The following GABRG3 variants were observed in gnomAD, a reference collection of about 807,000 sequenced individuals.
The protein encoded by GABRG3 is gamma-aminobutyric acid receptor subunit gamma-3.
GABRG3 carries 25 observed loss-of-function variants against 48.8 expected under a neutral mutation model. The observed-to-expected ratio is 0.51, with a 90% confidence interval of 0.37 to 0.72. The LOEUF is 0.72. Among genes scored for constraint, GABRG3 ranks in the 30% least tolerant of loss-of-function variants. GABRG3 has a pLI of 0.00. For missense variants in GABRG3, 394 were observed against 577.9 expected (o/e 0.68, Z 3.26); for synonymous variants, 227 against 217.6 (o/e 1.04, Z -0.38).
chr15:27,471,849 A>G (rs1889797030), intron 5 of GABRG3, among the ~76,000 whole-genome samples: 1 of 152,292 alleles, frequency 6.6e-6, no homozygotes, highest in Non-Finnish European at 1.5e-5. Flanking sequence ...CCAATACACA[A>G]TAGGTTTAGT....
chr15:27,467,627 A>G (rs1474506756), intron 5 of GABRG3, among the ~76,000 whole-genome samples: 3 of 152,230 alleles, frequency 2.0e-5, no homozygotes, highest in South Asian at 2.1e-4. Flanking sequence ...CAGCTATTTC[A>G]TTGGCTAAAT....
At chr15:27,391,030 G>A (rs1172421975) in intron 5 of GABRG3, among the ~76,000 whole-genome samples, 1 of 151,752 alleles carries the variant, frequency 6.6e-6, no homozygotes, top group Non-Finnish European at 1.5e-5. Context: ...AGGAGTTGCG[G>A]TGAGCCAAGA....
chr15:26,993,318 T>C (rs1469737820), intron 2 of GABRG3, among the ~76,000 whole-genome samples: 1 of 152,102 alleles, frequency 6.6e-6, no homozygotes, highest in Admixed American at 6.5e-5. Context: ...TTTGAAGTTT[T>C]TCTTTTTCTA....
intron 2 of GABRG3, 62 bp from the exon 3 acceptor site, chr15:27,026,692 A>G: frequency 8.2e-7 from 1 of 1,225,382 alleles, no homozygotes; most frequent in Admixed American, 2.2e-5. Flanking sequence ...TAGGACTTGA[A>G]TGTGCTCTCC....
chr15:27,038,677 C>T (rs1896221218), intron 3 of GABRG3, among the ~76,000 whole-genome samples: 1 of 152,228 alleles, frequency 6.6e-6, no homozygotes, highest in African/African-American at 2.4e-5. Context: ...ACCAACCAAG[C>T]TCTTGGGGCC....
chr15:27,026,724 G>C, intron 2 of GABRG3, 30 bp from the exon 3 acceptor site: 1 of 1,565,190 alleles, frequency 6.4e-7, no homozygotes, highest in Non-Finnish European at 8.7e-7. Context: ...CCGGCACGAA[G>C]TATTAACATA....
At chr15:27,233,962 T>C (rs1191288977) in intron 3 of GABRG3, among the ~76,000 whole-genome samples, 1 of 152,220 alleles carries the variant, frequency 6.6e-6, no homozygotes, top group Non-Finnish European at 1.5e-5. Context: ...ATGACATTTT[T>C]TCCCTCTACA....
chr15:27,405,744 C>T (rs539854164), intron 5 of GABRG3, among the ~76,000 whole-genome samples: 14 of 151,978 alleles, frequency 9.2e-5, no homozygotes, highest in Non-Finnish European at 1.9e-4. Flanking sequence ...GAAGCGGCAA[C>T]AGCCCAGTAG....
At position 27,231,492 on chromosome 15, in the gene GABRG3, C is replaced by T. The variant is rs1416575853; in HGVS notation, c.271-95317C>T. Among the ~76,000 whole-genome samples the T allele has an allele frequency of 3.3e-5, 5 of 152,106 alleles. No individual in the cohort carries two copies. In the South Asian group the frequency reaches 6.2e-4, roughly 19 times the overall value. ...AGGCAGAAGAGGGCTTGGTCCATTC[C>T]AAGGAGATTTTAGACCTGAGGGAAG... On this transcript the variant is annotated intron_variant, in intron 3 of 9. Transcript: ENST00000615808.
chr15:27,188,821 G>T (rs1282350040), intron 3 of GABRG3, among the ~76,000 whole-genome samples: 1 of 152,118 alleles, frequency 6.6e-6, no homozygotes, highest in East Asian at 1.9e-4. Flanking sequence ...GTCCTGAATG[G>T]TAAAGCCTAG....
chr15:27,256,405 C>T (rs1481493914), intron 3 of GABRG3, among the ~76,000 whole-genome samples: 1 of 147,726 alleles, frequency 6.8e-6, no homozygotes, highest in Non-Finnish European at 1.5e-5. Context: ...GGCGCCACTG[C>T]ACTCCAGCCT....
Position 27,532,652 on chromosome 15 carries a change from A to G in GABRG3, c.1175A>G (p.Asn392Ser). The G allele has an allele frequency of 6.2e-7, 1 of 1,613,960 alleles. No homozygotes were observed. The highest frequency in any genetic ancestry group is 1.1e-5 in the South Asian group (1 of 91,062). Residue 392 changes from asparagine to serine, a missense_variant, in exon 10 of 10, where the codon AAC becomes AGC. Asn to Ser is a conservative substitution (Grantham distance 46). Transcript: ENST00000615808. ...RPPPTAMITL[N>S]NSVYWQEFED... ...CCACCAACTGCGATGATCACTTTAAACAATTCCGTTTACTGGCAGGAATTT... is the reference window on the plus strand; with the variant it reads ...CCACCAACTGCGATGATCACTTTAAGCAATTCCGTTTACTGGCAGGAATTT...
At chr15:27,304,204 A>G (rs1031221058) in intron 3 of GABRG3, among the ~76,000 whole-genome samples, 1 of 151,906 alleles carries the variant, frequency 6.6e-6, no homozygotes, top group African/African-American at 2.4e-5. Flanking sequence ...CTAGTAGAAG[A>G]TCTGGTCAGT....
rs1345240859 is a variant in GABRG3, at chr15:27,457,344, C to T, written c.575-23306C>T. Among the ~76,000 whole-genome samples, 1 of 152,170 alleles carries T rather than the reference C, an allele frequency of 6.6e-6. No individual in the cohort carries two copies. The highest frequency in any genetic ancestry group is 1.5e-5 in the Non-Finnish European group (1 of 68,028). On this transcript the variant is annotated intron_variant, in intron 5 of 9. Coordinates refer to ENST00000615808, the MANE Select transcript of GABRG3 (RefSeq NM_033223.5). The surrounding 1 kb of genome is among the most constrained non-coding windows in gnomAD (Gnocchi z 4.4). Reference sequence around the variant, plus strand: ...GGACTAAGTCCTTGCTAGCATTTGACGTTTTGTTTTTTGCGTTTGTAGAAA... The same window carrying T: ...GGACTAAGTCCTTGCTAGCATTTGATGTTTTGTTTTTTGCGTTTGTAGAAA...
intron 3 of GABRG3, among the ~76,000 whole-genome samples, chr15:27,090,976 C>T (rs1028052998): frequency 1.1e-4 from 17 of 152,164 alleles, no homozygotes; most frequent in African/African-American, 4.1e-4. Context: ...TCTTCCTTTA[C>T]TATTTGGATG....
At chr15:27,479,577 T>C (rs1485018757) in intron 5 of GABRG3, among the ~76,000 whole-genome samples, 1 of 152,234 alleles carries the variant, frequency 6.6e-6, no homozygotes, top group African/African-American at 2.4e-5. Context: ...AATCAGCACA[T>C]TTCAACCACT....
Position 27,023,312 on chromosome 15 carries a change from C to T in GABRG3, c.203-3442C>T, listed in dbSNP as rs534234418. 5.3e-5 allele frequency among the ~76,000 whole-genome samples: 8 copies of T among 152,304 alleles called. No homozygotes were observed. In the South Asian group the frequency reaches 1.4e-3, roughly 28 times the overall value. ...GGGCTTATTATATTGTAGTAAAATA[C>T]ACATAACATGAAATTTGCCATCTTA... On this transcript the variant is annotated intron_variant, in intron 2 of 9. Coordinates refer to ENST00000615808, the MANE Select transcript of GABRG3 (RefSeq NM_033223.5).
chr15:27,285,629 A>C (rs1423379520), intron 3 of GABRG3, among the ~76,000 whole-genome samples: 1 of 152,236 alleles, frequency 6.6e-6, no homozygotes, highest in Non-Finnish European at 1.5e-5. Flanking sequence ...AGAGATGTCA[A>C]GTCTGTTAGC....
At chr15:27,242,749 G>A (rs900233200) in intron 3 of GABRG3, among the ~76,000 whole-genome samples, 2 of 152,238 alleles carry the variant, frequency 1.3e-5, no homozygotes, top group Non-Finnish European at 2.9e-5. Context: ...TGGAGAAAGA[G>A]TCTCAACAGA....
Sources: allele counts gnomAD v4.1 joint callset (sites outside exome capture counted in the v4.1 genomes callset), GRCh38; gene constraint gnomAD v4.1.1; non-coding constraint Gnocchi (gnomAD v3.1); transcripts MANE v1.5; gene names NCBI Gene and HGNC (gene_info 2026-07-23, HGNC 2026-07-21).